Variants in C1QTNF7 observed in about 807,000 individuals in gnomAD.
The protein encoded by C1QTNF7 is C1q and TNF related 7, also known as complement C1q tumor necrosis factor-related protein 7.
C1QTNF7 carries 15 observed loss-of-function variants against 19.6 expected under a neutral mutation model. That is an observed-to-expected ratio of 0.76 (90% CI 0.51 to 1.18). C1QTNF7 has a LOEUF of 1.18. Among genes scored for constraint, C1QTNF7 ranks in the 50% most tolerant of loss-of-function variants. C1QTNF7 has a pLI of 0.00. For synonymous variants in C1QTNF7, 142 were observed against 137.5 expected, an observed-to-expected ratio of 1.03 and a Z score of -0.23; for missense variants, 324 against 359.7, an observed-to-expected ratio of 0.90 and a Z score of 0.80.
At chr4:15,402,462 T>A (rs1199960332) in intron 1 of C1QTNF7, among the ~76,000 whole-genome samples, 1 of 152,194 alleles carries the variant, frequency 6.6e-6, no homozygotes, top group Non-Finnish European at 1.5e-5. Flanking sequence ...AAGTATTAGA[T>A]CTTTTACAAA....
At position 15,442,814 on chromosome 4, in the gene C1QTNF7, C is replaced by T. The variant is rs1712832853; in HGVS notation, c.*15C>T. On this transcript the variant is annotated 3_prime_UTR_variant, in exon 3 of 3. Coordinates refer to ENST00000444304, the MANE Select transcript of C1QTNF7 (RefSeq NM_031911.5). ...ATGAATTGTGATCAGGACCAAGATC[C>T]CTGTGGTAAACACTCTGATTGAATC... 1 of 1,577,848 alleles carries T rather than the reference C, an allele frequency of 6.3e-7. No homozygotes were observed. Among genetic ancestry groups the T allele is most frequent in the African/African-American group, 1.4e-5 (1 of 74,010 alleles).
chr4:15,364,440 T>C (rs1180686366), intron 1 of C1QTNF7, among the ~76,000 whole-genome samples: 3 of 152,338 alleles, frequency 2.0e-5, no homozygotes, highest in Non-Finnish European at 4.4e-5. Context: ...GTGTTTATTA[T>C]GCAGCACCAT....
At chr4:15,347,033 C>A (rs1716743711) in intron 1 of C1QTNF7, among the ~76,000 whole-genome samples, 1 of 151,862 alleles carries the variant, frequency 6.6e-6, no homozygotes, top group African/African-American at 2.4e-5. Context: ...TTATTACCTA[C>A]AAAAAAAATG....
chr4:15,361,714 T>C (rs73799808), intron 1 of C1QTNF7, among the ~76,000 whole-genome samples: 1 of 152,134 alleles, frequency 6.6e-6, no homozygotes, highest in Non-Finnish European at 1.5e-5. Context: ...AATTTAATAT[T>C]GAATTTCAAA....
intron 1 of C1QTNF7, among the ~76,000 whole-genome samples, chr4:15,366,106 G>T (rs921497237): frequency 6.6e-6 from 1 of 152,174 alleles, no homozygotes; most frequent in Admixed American, 6.5e-5. Flanking sequence ...AGTTTCCTAT[G>T]CAATCCTCAA....
At chr4:15,398,881 G>C (rs1718883730) in intron 1 of C1QTNF7, among the ~76,000 whole-genome samples, 1 of 152,206 alleles carries the variant, frequency 6.6e-6, no homozygotes, top group South Asian at 2.1e-4. Context: ...TCCACCTTTT[G>C]ACTTGGGGCT....
At chr4:15,387,731 G>T (rs1718391757) in intron 1 of C1QTNF7, among the ~76,000 whole-genome samples, 1 of 152,160 alleles carries the variant, frequency 6.6e-6, no homozygotes. Context: ...TCTGAAAAGA[G>T]AAGTGGTAGT....
chr4:15,391,811 A>AAGGAAAAGG (rs796324513), intron 1 of C1QTNF7, among the ~76,000 whole-genome samples: 45 of 152,322 alleles, frequency 3.0e-4, no homozygotes, highest in African/African-American at 1.0e-3. Flanking sequence ...TTGTGATGAG[A>AAGGAAAAGG]AGGAAAAGGA....
intron 1 of C1QTNF7, among the ~76,000 whole-genome samples, chr4:15,344,121 A>C (rs989814437): frequency 7.2e-5 from 11 of 152,246 alleles, no homozygotes; most frequent in African/African-American, 2.4e-4. Context: ...AACAGCGTGG[A>C]AAGTAGCAGG....
intron 1 of C1QTNF7, among the ~76,000 whole-genome samples, chr4:15,365,422 G>A (rs563478050): frequency 6.6e-6 from 1 of 152,030 alleles, no homozygotes; most frequent in African/African-American, 2.4e-5. Flanking sequence ...TGTTTCAAAT[G>A]ACATTTCCAC....
chr4:15,437,536 GT>G (rs1446441253), intron 2 of C1QTNF7, among the ~76,000 whole-genome samples: 1 of 152,098 alleles, frequency 6.6e-6, no homozygotes, highest in Admixed American at 6.5e-5. Flanking sequence ...TCATGAGGTA[GT>G]TCTAATATTA....
rs538808911 is a variant in C1QTNF7, at chr4:15,441,430, A to T, written c.239-738A>T. Among the ~76,000 whole-genome samples the T allele has an allele frequency of 3.9e-5, 6 of 152,358 alleles. No homozygotes were observed. The South Asian group carries it at 1.2e-3, about 32-fold the overall frequency. ...AATATAAGCAAATCTAATTTTGATT[A>T]ATTCTCTTATTATTATCACAAATAG... is the stretch of plus-strand genomic sequence containing the variant. On this transcript the variant is annotated intron_variant, in intron 2 of 2. Transcript: ENST00000444304.
chr4:15,380,100 G>C (rs1297784091), intron 1 of C1QTNF7, among the ~76,000 whole-genome samples: 1 of 152,220 alleles, frequency 6.6e-6, no homozygotes, highest in Non-Finnish European at 1.5e-5. Flanking sequence ...CAATGAATCT[G>C]TTGTCTAATT....
chr4:15,400,553 A>G (rs1295029387), intron 1 of C1QTNF7, among the ~76,000 whole-genome samples: 1 of 152,236 alleles, frequency 6.6e-6, no homozygotes, highest in Non-Finnish European at 1.5e-5. Context: ...TCCCTCCAAC[A>G]TTCAAGGAGA....
intron 1 of C1QTNF7, among the ~76,000 whole-genome samples, chr4:15,348,643 G>T (rs1716797415): frequency 1.3e-5 from 2 of 152,184 alleles, no homozygotes; most frequent in South Asian, 2.1e-4. Context: ...AATGCATGGT[G>T]TTCACGGGGC....
chr4:15,400,838 AG>A (rs1365261118), intron 1 of C1QTNF7, among the ~76,000 whole-genome samples: 1 of 152,238 alleles, frequency 6.6e-6, no homozygotes, highest in Non-Finnish European at 1.5e-5. Flanking sequence ...TGGAGCAATC[AG>A]GGTCTTTGTT....
rs367733142 is a variant in C1QTNF7, at chr4:15,421,369, T to C, written c.14-14367T>C. 2.7e-3 allele frequency among the ~76,000 whole-genome samples: 413 copies of C among 152,248 alleles called. 1 individual carries two copies. Among genetic ancestry groups the C allele is most frequent in the African/African-American group, 9.6e-3 (397 of 41,546 alleles). On this transcript the variant is annotated intron_variant, in intron 1 of 2. Transcript: ENST00000295297. ...TGCTTCCAGGTCTCTGGCCTTCGGA[T>C]GGTTTTCAGGTGCAAACAAGAGGAG...
At chr4:15,404,087 GTTTA>G (rs1249903231) in intron 1 of C1QTNF7, among the ~76,000 whole-genome samples, 2 of 151,912 alleles carry the variant, frequency 1.3e-5, no homozygotes, top group East Asian at 3.8e-4. Flanking sequence ...ATTCACCTTA[GTTTA>G]TTTAAGTAGT....
intron 1 of C1QTNF7, among the ~76,000 whole-genome samples, chr4:15,357,100 A>G (rs935993457): frequency 1.3e-5 from 2 of 152,036 alleles, no homozygotes; most frequent in African/African-American, 4.8e-5. Context: ...CTTTAGTTTA[A>G]TTAGATCCCA....
Sources: allele counts gnomAD v4.1 joint callset (sites outside exome capture counted in the v4.1 genomes callset), GRCh38; gene constraint gnomAD v4.1.1; transcripts MANE v1.5; gene names NCBI Gene and HGNC (gene_info 2026-07-23, HGNC 2026-07-21).